Variants in CSMD3 observed in about 807,000 individuals in gnomAD.
CSMD3 encodes CUB and sushi domain-containing protein 3.
A neutral mutation model predicts 435.2 loss-of-function variants in CSMD3; 177 were observed. The observed-to-expected ratio is 0.41, with a 90% CI of 0.36 to 0.46. The LOEUF (loss-of-function observed/expected upper bound fraction) is 0.46. Among genes scored for constraint, CSMD3 ranks in the 20% least tolerant of loss-of-function variants. The pLI is 0.34. For synonymous variants in CSMD3, 1,656 were observed against 1,520.5 expected, an observed-to-expected ratio of 1.09 and a Z score of -2.07; for missense variants, 4,265 against 4,504.6, an observed-to-expected ratio of 0.95 and a Z score of 1.52.
At chr8:112,572,808 A>C (rs1018555589) in intron 24 of CSMD3, among the ~76,000 whole-genome samples, 2 of 152,104 alleles carry the variant, frequency 1.3e-5, no homozygotes, top group African/African-American at 4.8e-5. Flanking sequence ...GAAAATCAAG[A>C]AATATATTAT....
At chr8:112,748,608 C>T (rs1014558878) in intron 13 of CSMD3, among the ~76,000 whole-genome samples, 1 of 151,996 alleles carries the variant, frequency 6.6e-6, no homozygotes, top group Non-Finnish European at 1.5e-5. Flanking sequence ...TTTCTGTTCC[C>T]GCAATTAGTT....
intron 5 of CSMD3, among the ~76,000 whole-genome samples, chr8:113,046,384 A>T (rs189189484): frequency 1.3e-5 from 2 of 149,828 alleles, no homozygotes; most frequent in Non-Finnish European, 1.5e-5. Flanking sequence ...ATAACAAAAC[A>T]AAATAAAAAA....
chr8:113,153,178 G>GGAA, intron 4 of CSMD3, among the ~76,000 whole-genome samples: 1 of 131,386 alleles, frequency 7.6e-6, no homozygotes, highest in East Asian at 2.3e-4. Flanking sequence ...AAGGAAAGAA[G>GGAA]GAAGGGAGGG....
At chr8:112,578,009 T>G (rs565740438) in intron 23 of CSMD3, among the ~76,000 whole-genome samples, 1 of 152,094 alleles carries the variant, frequency 6.6e-6, no homozygotes, top group Non-Finnish European at 1.5e-5. Flanking sequence ...TCCTCTTGGA[T>G]CCTAGCATTT....
intron 10 of CSMD3, among the ~76,000 whole-genome samples, chr8:112,861,081 A>T (rs2080814837): frequency 6.6e-6 from 1 of 151,840 alleles, no homozygotes; most frequent in Non-Finnish European, 1.5e-5. Context: ...GCCTTGCATA[A>T]TATATACTCC....
At chr8:112,284,505 T>A (rs1156416158) in intron 58 of CSMD3, among the ~76,000 whole-genome samples, 1 of 151,796 alleles carries the variant, frequency 6.6e-6, no homozygotes, top group African/African-American at 2.4e-5. Context: ...ATTTTAAATC[T>A]TATTTCTAAG....
chr8:113,001,359 G>A (rs1393648965), intron 6 of CSMD3, among the ~76,000 whole-genome samples: 3 of 151,904 alleles, frequency 2.0e-5, no homozygotes, highest in Non-Finnish European at 4.4e-5. Flanking sequence ...TAGCCACATG[G>A]GCATTTTTAG....
intron 10 of CSMD3, among the ~76,000 whole-genome samples, chr8:112,916,869 G>C (rs1410838464): frequency 6.6e-6 from 1 of 151,786 alleles, no homozygotes; most frequent in Non-Finnish European, 1.5e-5. Flanking sequence ...GGGTGCAGTG[G>C]GTCACTGAGC....
intron 35 of CSMD3, among the ~76,000 whole-genome samples, chr8:112,406,067 G>A (rs1475078701): frequency 2.0e-5 from 3 of 151,834 alleles, no homozygotes; most frequent in African/African-American, 4.8e-5. Flanking sequence ...AAAAACTAGA[G>A]GAGATGGATA....
intron 9 of CSMD3, among the ~76,000 whole-genome samples, chr8:112,941,020 A>G (rs1268424376): frequency 1.3e-5 from 2 of 151,794 alleles, no homozygotes. Flanking sequence ...AAAGTTTCTA[A>G]GAGACAAGAA....
intron 38 of CSMD3, among the ~76,000 whole-genome samples, chr8:112,377,994 C>T (rs1044150154): frequency 6.6e-6 from 1 of 151,884 alleles, no homozygotes; most frequent in African/African-American, 2.4e-5. Flanking sequence ...GAAGTCCTAG[C>T]CAGAGGAATT....
intron 10 of CSMD3, among the ~76,000 whole-genome samples, chr8:112,888,507 T>G (rs73346011): frequency 6.6e-6 from 1 of 151,474 alleles, no homozygotes; most frequent in Non-Finnish European, 1.5e-5. Flanking sequence ...GGTGAGGCGT[T>G]GAAACAAGCC....
At position 112,255,270 on chromosome 8, in the gene CSMD3, T is replaced by C. The variant is rs1326255418; in HGVS notation, c.10020A>G (p.Ser3340=). The C allele has an allele frequency of 7.4e-6, 12 of 1,613,322 alleles. No individual in the cohort carries two copies. Among genetic ancestry groups the C allele is most frequent in the African/African-American group, 1.3e-5 (1 of 74,894 alleles). ...ICQADGTWSG[S]SPHCIEPTQT... ...TAATATTACCTATGCAGTGAGGTGA[T>C]GAACCACTCCAAGTGCCATCTGCTT... Residue 3340 remains serine, a synonymous_variant, in exon 62 of 71, where the codon TCA becomes TCG. Coordinates refer to ENST00000297405, the MANE Select transcript of CSMD3 (RefSeq NM_198123.2).
intron 9 of CSMD3, among the ~76,000 whole-genome samples, chr8:112,927,227 G>A (rs952129630): frequency 2.6e-5 from 4 of 151,896 alleles, no homozygotes; most frequent in Non-Finnish European, 5.9e-5. Flanking sequence ...GTACAAGTAC[G>A]TATTGCAGAA....
chr8:112,321,382 C>T (rs774441840), intron 45 of CSMD3, among the ~76,000 whole-genome samples: 3 of 152,034 alleles, frequency 2.0e-5, no homozygotes, highest in Non-Finnish European at 4.4e-5. Flanking sequence ...TGAAAAGCAT[C>T]AACTAGACCA....
chr8:112,450,877 G>T (rs991796635), intron 32 of CSMD3, among the ~76,000 whole-genome samples: 5 of 152,092 alleles, frequency 3.3e-5, no homozygotes, highest in Non-Finnish European at 7.4e-5. Flanking sequence ...AAATGTGCAT[G>T]CTCTCTGATC....
intron 1 of CSMD3, among the ~76,000 whole-genome samples, chr8:113,337,406 T>TC (rs1392702081): frequency 6.6e-6 from 1 of 152,082 alleles, no homozygotes; most frequent in African/African-American, 2.4e-5. Flanking sequence ...TATAGTTTGT[T>TC]CAACAAATGG....
chr8:112,273,466 C>T (rs1817715008), intron 59 of CSMD3, among the ~76,000 whole-genome samples: 1 of 152,054 alleles, frequency 6.6e-6, no homozygotes, highest in Non-Finnish European at 1.5e-5. Context: ...TGGCTCACAC[C>T]TGTAATCCCA....
rs2131234767 is a variant in CSMD3, at chr8:112,380,403, A to C, written c.6085T>G (p.Phe2029Val). Residue 2029 changes from phenylalanine to valine, a missense_variant, in exon 38 of 71, where the codon TTT (phenylalanine) becomes GTT (valine). By Grantham distance (50) the Phe-to-Val change is conservative. Transcript: ENST00000297405. Reference protein sequence around the residue: ...NSTSNNLYLNFQSDISVSAAG... With the variant: ...NSTSNNLYLNVQSDISVSAAG... ...GCAGAAACACTGATGTCTGATTGAA[A>C]ATTTAGATACAGATTATTAGACGTA... 1 of 1,604,322 alleles carries C rather than the reference A, an allele frequency of 6.2e-7. No homozygotes were observed.
Sources: gnomAD v4.1 joint callset for allele counts (sites outside exome capture counted in the v4.1 genomes callset) on GRCh38, gnomAD v4.1.1 for gene constraint, MANE v1.5 for transcripts, NCBI Gene and HGNC (gene_info 2026-07-23, HGNC 2026-07-21) for gene names.